Variants in CNIH3 observed in about 807,000 individuals in gnomAD.
CNIH3 encodes the protein protein cornichon homolog 3.
In CNIH3, 14 loss-of-function variants were observed where a neutral mutation model predicts 24.1. That is an observed-to-expected ratio of 0.58 (90% confidence interval 0.38 to 0.91). The LOEUF (loss-of-function observed/expected upper bound fraction) is 0.91, where lower values mean the gene tolerates loss of function less well. CNIH3 is among the 40% of genes least tolerant of loss of function. The pLI is 0.00. For missense variants in CNIH3, 178 were observed against 196.8 expected (o/e 0.90, Z 0.57); for synonymous variants, 68 against 73.8 (o/e 0.92, Z 0.40).
At chr1:224,675,743 G>A (rs936764792) in intron 1 of CNIH3, among the ~76,000 whole-genome samples, 15 of 152,204 alleles carry the variant, frequency 9.9e-5, no homozygotes, top group African/African-American at 3.6e-4. Context: ...GTTAGTCACT[G>A]GAGGAATGCA....
rs1247152999 is a variant in CNIH3, at chr1:224,695,301, A to T, written c.198+10458A>T. The stretch of plus-strand genomic sequence containing the variant: ...TGCCAGCCCACTCTGCAGATTTTGA[A>T]CTTACCAAATCTCTACAGTTGCATG... On this transcript the variant is annotated intron_variant, in intron 3 of 5. Transcript: ENST00000272133. Among the ~76,000 whole-genome samples the T allele has an allele frequency of 2.6e-5, 4 of 151,514 alleles. No homozygotes were observed. In the East Asian group the frequency reaches 7.8e-4, roughly 29 times the overall value.
chr1:224,713,295 G>A (rs553200464), intron 3 of CNIH3, among the ~76,000 whole-genome samples: 45 of 152,336 alleles, frequency 3.0e-4, no homozygotes, highest in African/African-American at 1.0e-3. Context: ...GCTGAGATGT[G>A]TATGTGATTT....
rs1383175566 is a variant in CNIH3 at position 224,575,329 on chromosome 1, G to A, written n.517-7835G>A. Reference sequence around the variant, plus strand: ...TTATTCAGTTACAACAGAACTGGAGGGTCTGTGCCTTGGTGAGCTGTGCCT... The same window carrying A: ...TTATTCAGTTACAACAGAACTGGAGAGTCTGTGCCTTGGTGAGCTGTGCCT... On this transcript the variant is annotated intron_variant and non_coding_transcript_variant, in intron 4 of 5. Transcript: ENST00000471578. 3 of 1,026,648 alleles carry A rather than the reference G, an allele frequency of 2.9e-6. No homozygotes were observed. In the African/African-American group the frequency reaches 4.7e-5, roughly 16 times the overall value. 63.6% of individuals were successfully genotyped at this position (1,026,648 alleles called of 1,614,324 possible).
chr1:224,708,134 T>C (rs1333310152), intron 3 of CNIH3, among the ~76,000 whole-genome samples: 2 of 152,138 alleles, frequency 1.3e-5, no homozygotes, highest in African/African-American at 4.8e-5. Context: ...CTCTCAGCCA[T>C]GGATGCTCTT....
intron 1 of CNIH3, among the ~76,000 whole-genome samples, chr1:224,473,377 A>G (rs901793457): frequency 2.6e-5 from 4 of 152,188 alleles, no homozygotes; most frequent in African/African-American, 9.6e-5. Flanking sequence ...ATCAAAAGGC[A>G]TAGAGTGGCT....
intron 1 of CNIH3, among the ~76,000 whole-genome samples, chr1:224,618,405 T>G (rs1201549697): frequency 6.6e-6 from 1 of 152,224 alleles, no homozygotes; most frequent in Non-Finnish European, 1.5e-5. Flanking sequence ...CATCACAGAC[T>G]CTCATACAGT....
chr1:224,534,580 C>T (rs2124936937), intron 2 of CNIH3, among the ~76,000 whole-genome samples: 1 of 152,258 alleles, frequency 6.6e-6, no homozygotes, highest in Admixed American at 6.5e-5. Flanking sequence ...GGTCTTAGAA[C>T]AGAGATTATT....
intron 1 of CNIH3, among the ~76,000 whole-genome samples, chr1:224,468,099 T>C (rs1676222506): frequency 6.6e-6 from 1 of 152,222 alleles, no homozygotes; most frequent in Admixed American, 6.5e-5. Flanking sequence ...TGAAGTTATT[T>C]AGTAAGCCTT....
intron 1 of CNIH3, among the ~76,000 whole-genome samples, chr1:224,679,598 G>T (rs1335071037): frequency 6.6e-6 from 1 of 152,216 alleles, no homozygotes; most frequent in Non-Finnish European, 1.5e-5. Flanking sequence ...TTAAGTACAG[G>T]CTGGATAATT....
intron 1 of CNIH3, among the ~76,000 whole-genome samples, chr1:224,448,436 G>T (rs1675252952): frequency 1.3e-5 from 2 of 152,100 alleles, no homozygotes; most frequent in African/African-American, 4.8e-5. Flanking sequence ...ATGGAACAGG[G>T]GAGGTAATTA....
intron 1 of CNIH3, among the ~76,000 whole-genome samples, chr1:224,465,727 G>A (rs953885581): frequency 6.6e-6 from 1 of 152,032 alleles, no homozygotes; most frequent in Non-Finnish European, 1.5e-5. Flanking sequence ...ACTACATACC[G>A]TATCAAAACC....
chr1:224,567,090 G>T (rs1379908305), intron 4 of CNIH3, among the ~76,000 whole-genome samples: 1 of 152,170 alleles, frequency 6.6e-6, no homozygotes, highest in Admixed American at 6.5e-5. Context: ...TCTCATTGTG[G>T]TTTTGATTTG....
At chr1:224,623,889 G>T (rs1030119034) in intron 1 of CNIH3, among the ~76,000 whole-genome samples, 1 of 152,140 alleles carries the variant, frequency 6.6e-6, no homozygotes, top group African/African-American at 2.4e-5. Context: ...CCTCTGAGCT[G>T]CAGACAAGCC....
intron 1 of CNIH3, among the ~76,000 whole-genome samples, chr1:224,646,441 T>C (rs910990478): frequency 6.6e-6 from 1 of 152,256 alleles, no homozygotes; most frequent in Non-Finnish European, 1.5e-5. Context: ...TGTCTCACTC[T>C]GTCTTCCAGG....
chr1:224,614,217 C>A (rs1682833967), upstream of CNIH3, among the ~76,000 whole-genome samples: 1 of 152,192 alleles, frequency 6.6e-6, no homozygotes, highest in Non-Finnish European at 1.5e-5. Context: ...CGGCCTAATA[C>A]AAAGTCCCAC....
chr1:224,587,640 A>G (rs1209878079), intron 5 of CNIH3, among the ~76,000 whole-genome samples: 1 of 152,188 alleles, frequency 6.6e-6, no homozygotes, highest in Non-Finnish European at 1.5e-5. Flanking sequence ...GTATGTTGTC[A>G]TTAAGGATTG....
At chr1:224,470,001 T>G (rs898870226) in intron 1 of CNIH3, among the ~76,000 whole-genome samples, 12 of 152,196 alleles carry the variant, frequency 7.9e-5, no homozygotes, top group Middle Eastern at 6.8e-3. Context: ...GGCAGTTCTT[T>G]CTTTCAGTTA....
At chr1:224,503,132 A>G (rs6665956) in intron 1 of CNIH3, among the ~76,000 whole-genome samples, 1 of 152,082 alleles carries the variant, frequency 6.6e-6, no homozygotes, top group South Asian at 2.1e-4. Context: ...GAGGAGGATG[A>G]GAAAGAAGAT....
chr1:224,735,917 C>T (rs1367599019), intron 5 of CNIH3, among the ~76,000 whole-genome samples: 1 of 152,036 alleles, frequency 6.6e-6, no homozygotes, highest in Non-Finnish European at 1.5e-5. Context: ...CCTTCTGCCT[C>T]AGCCTCCCAA....
Sources: gnomAD v4.1 joint callset for allele counts (sites outside exome capture counted in the v4.1 genomes callset) on GRCh38, gnomAD v4.1.1 for gene constraint, MANE v1.5 for transcripts, NCBI Gene and HGNC (gene_info 2026-07-23, HGNC 2026-07-21) for gene names.